The following IL1R1 variants were observed in gnomAD, a reference collection of about 807,000 sequenced individuals.
The protein encoded by IL1R1 is interleukin-1 receptor type 1.
A neutral mutation model predicts 50.2 loss-of-function variants in IL1R1; 22 were observed. The ratio of observed to expected loss-of-function variants is 0.44; its 90% CI spans 0.31 to 0.63. The LOEUF (loss-of-function observed/expected upper bound fraction) is 0.63. IL1R1 is among the 20% of genes least tolerant of loss of function. The pLI is 0.07. For missense variants in IL1R1, 509 were observed against 676.2 expected (o/e 0.75, Z 2.74); for synonymous variants, 251 against 236.7 (o/e 1.06, Z -0.55).
chr2:102,166,593 T>C (rs1263995755), intron 6 of IL1R1, among the ~76,000 whole-genome samples: 2 of 152,164 alleles, frequency 1.3e-5, no homozygotes, highest in East Asian at 3.9e-4. Context: ...CTCTGGCTGG[T>C]ATATGGGAAT....
chr2:102,103,123 G>GCA (rs939470920), upstream of IL1R1, among the ~76,000 whole-genome samples: 8 of 152,022 alleles, frequency 5.3e-5, no homozygotes, highest in African/African-American at 1.9e-4. Flanking sequence ...TAACAGACCT[G>GCA]CACAAGTACC....
intron 1 of IL1R1, among the ~76,000 whole-genome samples, chr2:102,077,158 C>A (rs61627158): frequency 0.027 from 4,179 of 152,160 alleles, 203 homozygotes; most frequent in African/African-American, 0.093. Context: ...GCAACCTCCA[C>A]CTCCTGGATT....
intron 3 of IL1R1, among the ~76,000 whole-genome samples, chr2:102,158,230 CT>C (rs1332592665): frequency 6.6e-6 from 1 of 152,166 alleles, no homozygotes; most frequent in Non-Finnish European, 1.5e-5. Context: ...TTTCTCTAAT[CT>C]TTTCTCTTTT....
intron 1 of IL1R1, among the ~76,000 whole-genome samples, chr2:102,134,002 T>C (rs1351843793): frequency 6.6e-6 from 1 of 152,224 alleles, no homozygotes; most frequent in Admixed American, 6.5e-5. Flanking sequence ...GGAAACACTA[T>C]GGAATCTATT....
At chr2:102,114,388 G>A (rs1036177795) in intron 1 of IL1R1, among the ~76,000 whole-genome samples, 1 of 152,206 alleles carries the variant, frequency 6.6e-6, no homozygotes, top group Admixed American at 6.5e-5. Context: ...ACATGCGAAG[G>A]TTCACAGGGG....
intron 1 of IL1R1, among the ~76,000 whole-genome samples, chr2:102,133,859 C>T (rs943375966): frequency 1.6e-4 from 24 of 151,872 alleles, no homozygotes; most frequent in African/African-American, 5.8e-4. Context: ...CATCCACTTT[C>T]CCCACTTCTA....
At chr2:102,081,713 A>G (rs533041926) in intron 1 of IL1R1, among the ~76,000 whole-genome samples, 2 of 152,228 alleles carry the variant, frequency 1.3e-5, no homozygotes, top group African/African-American at 4.8e-5. Flanking sequence ...TCTGAATATC[A>G]GAGAAACACA....
At chr2:102,135,160 A>G (rs1682274969) in intron 1 of IL1R1, among the ~76,000 whole-genome samples, 1 of 152,230 alleles carries the variant, frequency 6.6e-6, no homozygotes. Context: ...TTTAAAATCA[A>G]AAGGTAATAA....
At chr2:102,126,233 A>G (rs965028571) in intron 1 of IL1R1, among the ~76,000 whole-genome samples, 2 of 152,242 alleles carry the variant, frequency 1.3e-5, no homozygotes, top group African/African-American at 4.8e-5. Flanking sequence ...TGTAGACACG[A>G]CTGAGCTAGA....
intron 6 of IL1R1, 152 bp downstream of exon 6, chr2:102,166,433 T>G (rs1326468625): frequency 3.8e-6 from 2 of 522,064 alleles, no homozygotes; most frequent in African/African-American, 3.8e-5. Context: ...TGTTTTTTTG[T>G]TACTAAATAC....
rs765018514 is a variant in IL1R1, at chr2:102,176,704, T to A, written c.1655T>A (p.Leu552Gln). The A allele has an allele frequency of 6.2e-7, 1 of 1,614,180 alleles. No homozygotes were observed. The highest frequency in any genetic ancestry group is 8.5e-7 in the Non-Finnish European group (1 of 1,180,034). The change falls in exon 12 of 12, where the codon CTG becomes CAG. Residue 552 changes from leucine (L) to glutamine (Q), a missense_variant. Coordinates refer to ENST00000410023, the MANE Select transcript of IL1R1 (RefSeq NM_000877.4). ...RRSPSSKHQL[L>Q]SPATKEKLQR... is the part of the protein sequence containing the mutation. ...TCACCTTCATCTAAACACCAGTTAC[T>A]GTCACCAGCCACTAAGGAGAAACTG...
chr2:102,176,313 A>G lies in IL1R1; in HGVS notation c.1304-40A>G, dbSNP rs199720898. 5.5e-4 allele frequency: 868 copies of G among 1,574,976 alleles called. 14 individuals are homozygous for G. In the South Asian group the frequency reaches 9.4e-3, roughly 17 times the overall value. On this transcript the variant is annotated intron_variant, in intron 11 of 11. Transcript: ENST00000410023. The stretch of plus-strand genomic sequence containing the variant: ...TTGGTTCAGGAGAGAATGATGATAA[A>G]TAGAATTTTACTTACTATATTGTGC...
chr2:102,152,070 TG>T (rs1228308899), intron 1 of IL1R1, among the ~76,000 whole-genome samples: 1 of 152,022 alleles, frequency 6.6e-6, no homozygotes, highest in Non-Finnish European at 1.5e-5. Flanking sequence ...GATAGTGGCC[TG>T]GGCAGTGCAT....
intron 3 of IL1R1, among the ~76,000 whole-genome samples, chr2:102,164,148 T>G (rs1200202790): frequency 6.6e-6 from 1 of 152,096 alleles, no homozygotes; most frequent in Non-Finnish European, 1.5e-5. Context: ...GATACTCAGC[T>G]GAAAACTTGG....
intron 1 of IL1R1, among the ~76,000 whole-genome samples, chr2:102,085,853 G>T (rs4850997): frequency 0.23 from 35,302 of 151,854 alleles, 4,604 homozygotes; most frequent in East Asian, 0.53. Flanking sequence ...ACATTGTATA[G>T]CTCCATTTAT....
At chr2:102,084,988 T>C (rs1032356434) in intron 1 of IL1R1, among the ~76,000 whole-genome samples, 1 of 152,252 alleles carries the variant, frequency 6.6e-6, no homozygotes, top group Non-Finnish European at 1.5e-5. Context: ...GCTAATGCAG[T>C]TGAACACTTT....
At chr2:102,119,830 T>G (rs966569460) in intron 1 of IL1R1, among the ~76,000 whole-genome samples, 1 of 152,198 alleles carries the variant, frequency 6.6e-6, no homozygotes, top group Non-Finnish European at 1.5e-5. Flanking sequence ...ATCAACTCTC[T>G]TAGCAAACTT....
At chr2:102,175,902 A>G (rs1334416819) in intron 11 of IL1R1, 1 of 586,376 alleles carries the variant, frequency 1.7e-6, no homozygotes, top group Non-Finnish European at 3.0e-6. Context: ...TTGCTTTACA[A>G]CTGATACAAT....
At chr2:102,118,957 G>A (rs1210425582) in intron 1 of IL1R1, among the ~76,000 whole-genome samples, 1 of 148,824 alleles carries the variant, frequency 6.7e-6, no homozygotes, top group Non-Finnish European at 1.5e-5. Flanking sequence ...AGCAGAGCTT[G>A]CGGTGAGCCG....
Sources: allele counts gnomAD v4.1 joint callset (sites outside exome capture counted in the v4.1 genomes callset), GRCh38; gene constraint gnomAD v4.1.1; transcripts MANE v1.5; gene names NCBI Gene and HGNC (gene_info 2026-07-23, HGNC 2026-07-21).